The following PHF3 variants were observed in gnomAD, a reference collection of about 807,000 sequenced individuals.
PHF3 encodes the protein PHD finger protein 3.
A neutral mutation model predicts 178.4 loss-of-function variants in PHF3; 41 were observed. The ratio of observed to expected loss-of-function variants is 0.23; its 90% confidence interval spans 0.18 to 0.30. PHF3 has a LOEUF of 0.30. Ranked by LOEUF, PHF3 falls within the 10% of genes least tolerant of loss-of-function variation. PHF3 has a pLI of 1.00. For synonymous variants in PHF3, 842 were observed against 800.5 expected (o/e 1.05, Z -0.88); for missense variants, 2,346 against 2,398.1 (o/e 0.98, Z 0.45).
intron 2 of PHF3, among the ~76,000 whole-genome samples, chr6:63,665,486 G>GTTTTTTTTTTTTTTT (rs11427203): frequency 4.7e-4 from 52 of 111,216 alleles, no homozygotes; most frequent in African/African-American, 6.0e-4. Flanking sequence ...GTTTTTTTTT[G>GTTTTTTTTTTTTTTT]TTTTTTTTTT....
Position 63,698,330 on chromosome 6 carries a change from A to G in PHF3, c.2788A>G (p.Ser930Gly). The change falls in exon 7 of 16, where the codon AGT (serine) becomes GGT (glycine). Residue 930 changes from serine to glycine, a missense_variant. Around this residue, in one of 8 missense-constraint regions of PHF3, gnomAD observed 252 missense variants for 232.0 expected, o/e 1.09. Transcript: ENST00000262043. ...SKPSADQIRQ[S>G]VRHSLKDILM... is the part of the protein sequence containing the mutation. ...GCCTTCTGCAGATCAGATCAGGCAAAGTGTCAGACATTCTCTCAAAGACAT... is the reference window on the plus strand; with the variant it reads ...GCCTTCTGCAGATCAGATCAGGCAAGGTGTCAGACATTCTCTCAAAGACAT... The G allele has an allele frequency of 6.2e-7, 1 of 1,612,388 alleles. No homozygotes were observed. Among genetic ancestry groups the G allele is most frequent in the Non-Finnish European group, 8.5e-7 (1 of 1,178,956 alleles).
chr6:63,711,530 C>G, intron 15 of PHF3, 56 bp from the exon 16 acceptor site: 1 of 1,482,678 alleles, frequency 6.7e-7, no homozygotes. Context: ...AGAATTTTAC[C>G]TTTTTTTGCA....
chr6:63,666,218 C>T (rs905552389), intron 2 of PHF3, among the ~76,000 whole-genome samples: 1 of 152,050 alleles, frequency 6.6e-6, no homozygotes, highest in African/African-American at 2.4e-5. Flanking sequence ...ACTGTTTTTT[C>T]ATGTGTTTCT....
intron 10 of PHF3, 87 bp downstream of exon 10, chr6:63,702,726 A>G: frequency 7.4e-7 from 1 of 1,357,142 alleles, no homozygotes; most frequent in East Asian, 2.3e-5. Flanking sequence ...AGTAGAGAAA[A>G]GAATTTTAAA....
intron 1 of PHF3, among the ~76,000 whole-genome samples, chr6:63,645,711 A>G (rs558410006): frequency 6.6e-6 from 1 of 152,322 alleles, no homozygotes; most frequent in African/African-American, 2.4e-5. Context: ...ACTTTTCATA[A>G]TTGAGGCTCC....
intron 8 of PHF3, among the ~76,000 whole-genome samples, chr6:63,699,472 C>T (rs1317893165): frequency 6.6e-6 from 1 of 152,188 alleles, no homozygotes; most frequent in African/African-American, 2.4e-5. Context: ...TTGAAGTACA[C>T]TAACAGAGAC....
At chr6:63,671,877 G>A (rs1443765332) in intron 2 of PHF3, among the ~76,000 whole-genome samples, 1 of 152,182 alleles carries the variant, frequency 6.6e-6, no homozygotes, top group Non-Finnish European at 1.5e-5. Context: ...CTCCCAAGTA[G>A]CTGGGATTAC....
intron 2 of PHF3, among the ~76,000 whole-genome samples, chr6:63,672,130 C>T (rs866430537): frequency 1.3e-5 from 2 of 152,186 alleles, no homozygotes; most frequent in South Asian, 2.1e-4. Context: ...CGTGAGCCAC[C>T]GTGCCTGGCC....
At chr6:63,704,218 A>G (rs1561979902) in intron 11 of PHF3, among the ~76,000 whole-genome samples, 2 of 152,160 alleles carry the variant, frequency 1.3e-5, no homozygotes, top group South Asian at 2.1e-4. Flanking sequence ...TGCAGTTACT[A>G]CAGTTGACAA....
Position 63,691,943 on chromosome 6 carries a change from C to A in PHF3, c.2396C>A (p.Thr799Lys). ...GTTGAATTCCATAGTGGAGATAAAACAATGGAGTGTGAAAAGCTTGGATTA... is the reference window on the plus strand; with the variant it reads ...GTTGAATTCCATAGTGGAGATAAAAAAATGGAGTGTGAAAAGCTTGGATTA... ...ATVEFHSGDK[T>K]MECEKLGLSK... The change falls in exon 5 of 16, where the codon ACA (threonine) becomes AAA (lysine). Residue 799 changes from threonine (T) to lysine (K), a missense_variant. By Grantham distance (78) the Thr-to-Lys change is moderately conservative. Transcript: ENST00000262043. 4 of 1,613,214 alleles carry A rather than the reference C, an allele frequency of 2.5e-6. No individual in the cohort carries two copies. Among genetic ancestry groups the A allele is most frequent in the Non-Finnish European group, 3.4e-6 (4 of 1,179,592 alleles).
chr6:63,663,672 C>G (rs1021743625), intron 2 of PHF3, among the ~76,000 whole-genome samples: 1 of 152,118 alleles, frequency 6.6e-6, no homozygotes, highest in African/African-American at 2.4e-5. Context: ...GGATTACACT[C>G]AGCTAACAGT....
In PHF3 at chr6:63,717,563, A is replaced by G. The variant is rs1421246878; in HGVS notation, c.*3855A>G. Among the ~76,000 whole-genome samples the G allele has an allele frequency of 6.6e-6, 1 of 152,068 alleles. No homozygotes were observed. The highest frequency in any genetic ancestry group is 1.5e-5 in the Non-Finnish European group (1 of 67,972). Reference sequence around the variant, plus strand: ...AGAGCAAAAAAGTAGTGAGTTGAAAACAGATCAGTAGCAAGAAGTCCTTTG... The same window carrying G: ...AGAGCAAAAAAGTAGTGAGTTGAAAGCAGATCAGTAGCAAGAAGTCCTTTG... On this transcript the variant is annotated 3_prime_UTR_variant, in exon 16 of 16. Coordinates refer to ENST00000262043, the MANE Select transcript of PHF3 (RefSeq NM_001370348.2).
chr6:63,685,035 A>G lies in PHF3; in HGVS notation c.1313A>G (p.Asn438Ser), dbSNP rs188655023. ...TFGPESNILENAICDVPDQNS... is the reference protein window; with the variant it reads ...TFGPESNILESAICDVPDQNS... The stretch of plus-strand genomic sequence containing the variant: ...GGACCGGAAAGTAATATCTTGGAAA[A>G]TGCTATTTGTGATGTGCCTGACCAA... The change falls in exon 4 of 16, where the codon AAT (asparagine) becomes AGT (serine). Residue 438 changes from asparagine to serine, a missense_variant. By Grantham distance (46) the Asn-to-Ser change is conservative. Transcript: ENST00000262043. 2.5e-6 allele frequency: 4 copies of G among 1,614,110 alleles called. No individual in the cohort carries two copies. The highest frequency in any genetic ancestry group is 4.5e-5 in the East Asian group (2 of 44,856).
intron 1 of PHF3, among the ~76,000 whole-genome samples, chr6:63,644,838 A>G (rs1264099821): frequency 6.6e-6 from 1 of 151,888 alleles, no homozygotes; most frequent in Non-Finnish European, 1.5e-5. Context: ...GCCCTTTTGC[A>G]GTTCATCCTT....
intron 3 of PHF3, among the ~76,000 whole-genome samples, chr6:63,682,862 T>G (rs1220285352): frequency 7.2e-5 from 11 of 152,138 alleles, no homozygotes; most frequent in Admixed American, 7.2e-4. Flanking sequence ...AAGATCTTTA[T>G]TTATTAATGT....
intron 9 of PHF3, among the ~76,000 whole-genome samples, chr6:63,701,296 A>G (rs1403875892): frequency 6.6e-6 from 1 of 152,244 alleles, no homozygotes; most frequent in Non-Finnish European, 1.5e-5. Context: ...TACGTGTCTC[A>G]GACCTAACTG....
chr6:63,713,979 C>T lies in PHF3; in HGVS notation c.*271C>T, dbSNP rs1768094181. On this transcript the variant is annotated 3_prime_UTR_variant, in exon 16 of 16. Coordinates refer to ENST00000262043, the MANE Select transcript of PHF3 (RefSeq NM_001370348.2). ...TTCAAAGATTTGTTTTATTAATATGCAATAAAGGCTTAGAAATTTTAGTTT... is the reference window on the plus strand; with the variant it reads ...TTCAAAGATTTGTTTTATTAATATGTAATAAAGGCTTAGAAATTTTAGTTT... The T allele has an allele frequency of 1.4e-5, 4 of 287,458 alleles. No homozygotes were observed. The highest frequency in any genetic ancestry group is 1.9e-5 in the Non-Finnish European group (3 of 156,968). 17.8% of individuals were successfully genotyped at this position (287,458 alleles called of 1,614,324 possible). A position where few individuals can be genotyped will look rare whatever the true frequency, so the allele number is the denominator to read the frequency against.
At chr6:63,652,335 G>C (rs1561941935) in intron 2 of PHF3, among the ~76,000 whole-genome samples, 1 of 152,118 alleles carries the variant, frequency 6.6e-6, no homozygotes, top group Non-Finnish European at 1.5e-5. Context: ...TCATTTGTAT[G>C]TCTATTTTGA....
At position 63,636,048 on chromosome 6, in the gene PHF3, T is replaced by A; in HGVS notation, c.-128T>A. 1 of 394,306 alleles carries A rather than the reference T, an allele frequency of 2.5e-6. No individual in the cohort carries two copies. The highest frequency in any genetic ancestry group is 3.6e-5 in the East Asian group (1 of 27,784). The allele number at this position is 394,306 out of a possible 1,614,324, so 24.4% of individuals were successfully genotyped here. ...ACGCCGACGTCCTGCGCGTACCCCC[T>A]CTCCGCGGCACCCACCGGGCCCCCT... On this transcript the variant is annotated 5_prime_UTR_variant, in exon 1 of 16. Transcript: ENST00000262043.
Sources: gnomAD v4.1 joint callset for allele counts (sites outside exome capture counted in the v4.1 genomes callset) on GRCh38, gnomAD v4.1.1 for gene constraint, gnomAD v4.1.1 regional missense constraint, MANE v1.5 for transcripts, NCBI Gene and HGNC (gene_info 2026-07-23, HGNC 2026-07-21) for gene names.